ZNF626: variants seen among roughly 807,000 people sequenced by gnomAD.
ZNF626 encodes zinc finger protein 626.
ZNF626 carries 4 observed loss-of-function variants against 11.7 expected under a neutral mutation model. The ratio of observed to expected loss-of-function variants is 0.34; its 90% CI spans 0.17 to 0.78. The LOEUF is 0.78. ZNF626 is among the 30% of genes least tolerant of loss of function. The probability of loss-of-function intolerance (pLI) is 0.57; values close to 1 mark genes in which losing one functional copy is unlikely to be tolerated. For missense variants in ZNF626, 588 were observed against 587.1 expected (o/e 1.00, Z -0.01); for synonymous variants, 179 against 198.6 (o/e 0.90, Z 0.83).
Position 20,620,342 on chromosome 19 carries a change from A to G in ZNF626, c.*3948T>C, listed in dbSNP as rs1969743013. ...TCACCTAAAAACTTATTTTGTTCCA[A>G]TAATTGCGTTTTCTTCTGAAAATAT... On this transcript the variant is annotated 3_prime_UTR_variant, in exon 4 of 4. Transcript: ENST00000601440. 1 of 152,148 alleles carries G rather than the reference A, an allele frequency of 6.6e-6. No individual in the cohort carries two copies. The highest frequency in any genetic ancestry group is 1.5e-5 in the Non-Finnish European group (1 of 68,032). The allele number at this position is 152,148 out of a possible 1,614,324, so 9.4% of individuals were successfully genotyped here. A position where few individuals can be genotyped will look rare whatever the true frequency, so the allele number is the denominator to read the frequency against.
intron 3 of ZNF626, among the ~76,000 whole-genome samples, chr19:20,634,144 T>TTGG (rs1969940313): frequency 6.6e-6 from 1 of 152,282 alleles, no homozygotes; most frequent in East Asian, 1.9e-4. Flanking sequence ...GTGTCTCATA[T>TTGG]TGGGGTTTCA....
At chr19:20,635,556 C>G (rs115925274) in intron 3 of ZNF626, among the ~76,000 whole-genome samples, 1 of 152,052 alleles carries the variant, frequency 6.6e-6, no homozygotes, top group Non-Finnish European at 1.5e-5. Context: ...CTTCTGACAC[C>G]GTGATCCACC....
chr19:20,628,536 A>T (rs1969866230), intron 3 of ZNF626, among the ~76,000 whole-genome samples: 1 of 152,204 alleles, frequency 6.6e-6, no homozygotes, highest in Non-Finnish European at 1.5e-5. Context: ...GCCAGTAATT[A>T]TCAGCATTTT....
At chr19:20,648,151 CAG>C (rs1243152146) in intron 1 of ZNF626, among the ~76,000 whole-genome samples, 2 of 138,376 alleles carry the variant, frequency 1.4e-5, no homozygotes, top group Non-Finnish European at 3.0e-5. Context: ...GCTCCAGCCT[CAG>C]TGACAAAGCC....
chr19:20,635,140 G>C (rs1969952639), intron 3 of ZNF626, among the ~76,000 whole-genome samples: 1 of 152,072 alleles, frequency 6.6e-6, no homozygotes, highest in Non-Finnish European at 1.5e-5. Flanking sequence ...GCCAGAAAAA[G>C]ACAGAGATTA....
intron 1 of ZNF626, among the ~76,000 whole-genome samples, chr19:20,655,897 T>C: frequency 6.6e-6 from 1 of 151,388 alleles, no homozygotes; most frequent in Middle Eastern, 3.2e-3. Context: ...ATCGCGCCAC[T>C]GCACTCCAGC....
At position 20,624,025 on chromosome 19, in the gene ZNF626, T is replaced by C; in HGVS notation, c.*265A>G. On this transcript the variant is annotated 3_prime_UTR_variant, in exon 4 of 4. Coordinates refer to ENST00000601440, the MANE Select transcript of ZNF626 (RefSeq NM_001076675.3). ...CCATTCATCACATTCACATGGTTTC[T>C]CTCCAGTATGAATTATCTTATGTGC... 1 of 663,702 alleles carries C rather than the reference T, an allele frequency of 1.5e-6. No individual in the cohort carries two copies. The highest frequency in any genetic ancestry group is 2.7e-6 in the Non-Finnish European group (1 of 370,888). 41.1% of individuals were successfully genotyped at this position (663,702 alleles called of 1,614,324 possible).
At chr19:20,631,748 C>T (rs1555770370) in intron 3 of ZNF626, among the ~76,000 whole-genome samples, 1 of 151,180 alleles carries the variant, frequency 6.6e-6, no homozygotes, top group Non-Finnish European at 1.5e-5. Flanking sequence ...ATCCAATTTG[C>T]CAGTCTGTGT....
chr19:20,631,350 ATCTG>A (rs1599475110), intron 3 of ZNF626, among the ~76,000 whole-genome samples: 2 of 152,184 alleles, frequency 1.3e-5, no homozygotes, highest in South Asian at 2.1e-4. Context: ...TGTCTCGTTG[ATCTG>A]TCTAACTTTC....
intron 3 of ZNF626, among the ~76,000 whole-genome samples, chr19:20,625,956 A>G (rs1271421539): frequency 1.3e-5 from 2 of 152,172 alleles, no homozygotes; most frequent in Non-Finnish European, 2.9e-5. Flanking sequence ...CCAGTATAAC[A>G]TTGTGCCTTT....
chr19:20,645,474 G>C (rs782081767), intron 3 of ZNF626: 9 of 1,608,054 alleles, frequency 5.6e-6, no homozygotes, highest in Middle Eastern at 1.9e-4. Context: ...AATCCTTAGA[G>C]AATTTAAAAG....
chr19:20,658,577 C>T (rs1258414239), intron 1 of ZNF626, among the ~76,000 whole-genome samples: 1 of 152,166 alleles, frequency 6.6e-6, no homozygotes, highest in African/African-American at 2.4e-5. Flanking sequence ...GGACAACAGG[C>T]AGTGTGACAG....
At position 20,652,256 on chromosome 19, in the gene ZNF626, C is replaced by G. The variant is rs372915693; in HGVS notation, c.4-5851G>C. On this transcript the variant is annotated intron_variant, in intron 1 of 3. Coordinates refer to ENST00000601440, the MANE Select transcript of ZNF626 (RefSeq NM_001076675.3). ...AGTACAAACGAAGGAGAGATCCCCC[C>G]CATAGAGGCTGCTCTAGCACATTCT... 5.3e-5 allele frequency among the ~76,000 whole-genome samples: 8 copies of G among 150,914 alleles called. No individual in the cohort carries two copies. The South Asian group carries it at 6.3e-4, about 12-fold the overall frequency.
intron 1 of ZNF626, among the ~76,000 whole-genome samples, chr19:20,656,122 C>A (rs1970202769): frequency 6.6e-6 from 1 of 151,702 alleles, no homozygotes; most frequent in African/African-American, 2.4e-5. Flanking sequence ...GAATAGAGAG[C>A]CCAGAAATAA....
chr19:20,630,070 C>T (rs1396558485), intron 3 of ZNF626, among the ~76,000 whole-genome samples: 1 of 152,064 alleles, frequency 6.6e-6, no homozygotes, highest in Non-Finnish European at 1.5e-5. Context: ...TGTTTATATG[C>T]TGGAGTATGT....
At chr19:20,661,113 C>A (rs1325826256) in intron 1 of ZNF626, among the ~76,000 whole-genome samples, 4 of 152,230 alleles carry the variant, frequency 2.6e-5, no homozygotes, top group Non-Finnish European at 5.9e-5. Context: ...ATTCATGAAC[C>A]CGCACCCCGA....
intron 3 of ZNF626, among the ~76,000 whole-genome samples, chr19:20,634,055 A>C (rs1555770680): frequency 2.0e-5 from 3 of 152,216 alleles, no homozygotes; most frequent in Non-Finnish European, 2.9e-5. Context: ...AAAACTTCAA[A>C]AAGACAAAGA....
At chr19:20,657,770 A>G (rs892078169) in intron 1 of ZNF626, among the ~76,000 whole-genome samples, 1 of 151,768 alleles carries the variant, frequency 6.6e-6, no homozygotes, top group African/African-American at 2.4e-5. Flanking sequence ...GCACAATTGC[A>G]CTCCAGCCTG....
chr19:20,630,746 ATTTTTTTGAAGGG>A (rs1229053528), intron 3 of ZNF626, among the ~76,000 whole-genome samples: 1 of 151,268 alleles, frequency 6.6e-6, no homozygotes, highest in Non-Finnish European at 1.5e-5. Context: ...GGATTCATTG[ATTTTTTTGAAGGG>A]TTTTTTGTGT....
Sources: gnomAD v4.1 joint callset for allele counts (sites outside exome capture counted in the v4.1 genomes callset) on GRCh38, gnomAD v4.1.1 for gene constraint, MANE v1.5 for transcripts, NCBI Gene and HGNC (gene_info 2026-07-23, HGNC 2026-07-21) for gene names.